Variants in FSTL5 observed in about 807,000 individuals in gnomAD.
FSTL5 encodes the protein follistatin like 5.
Under a neutral mutation model 89.1 loss-of-function variants are expected in FSTL5, and 62 were observed. The ratio of observed to expected loss-of-function variants is 0.70; its 90% confidence interval spans 0.57 to 0.86. The LOEUF is 0.86. FSTL5 is among the 40% of genes least tolerant of loss of function. The pLI, the probability that FSTL5 is intolerant of heterozygous loss-of-function variation, is 0.00. For synonymous variants in FSTL5, 383 were observed against 346.2 expected, an observed-to-expected ratio of 1.11 and a Z score of -1.18; for missense variants, 1,057 against 1,001.6, an observed-to-expected ratio of 1.06 and a Z score of -0.75.
intron 6 of FSTL5, among the ~76,000 whole-genome samples, chr4:161,718,538 C>G (rs191158317): frequency 2.6e-5 from 4 of 152,162 alleles, no homozygotes; most frequent in African/African-American, 7.2e-5. Context: ...AAGCAATTCT[C>G]CTGCCTCAGC....
At chr4:162,100,748 T>C (rs1641884443) in intron 2 of FSTL5, among the ~76,000 whole-genome samples, 1 of 152,150 alleles carries the variant, frequency 6.6e-6, no homozygotes, top group African/African-American at 2.4e-5. Context: ...AAGGGAGGGC[T>C]GTGCATGTGT....
chr4:162,107,072 A>C (rs893200651), intron 2 of FSTL5, among the ~76,000 whole-genome samples: 2 of 152,224 alleles, frequency 1.3e-5, no homozygotes, highest in Non-Finnish European at 2.9e-5. Flanking sequence ...AACCAAGCAC[A>C]AAAGTGCCAA....
chr4:161,884,107 T>C (rs1732723945), intron 4 of FSTL5, among the ~76,000 whole-genome samples: 1 of 152,106 alleles, frequency 6.6e-6, no homozygotes, highest in Non-Finnish European at 1.5e-5. Flanking sequence ...CTGCAGTCAG[T>C]GGCACGATCT....
rs960023567 is a variant in FSTL5 at position 161,556,956 on chromosome 4, G to A, written c.1016-14263C>T. Among the ~76,000 whole-genome samples the A allele has an allele frequency of 3.3e-5, 5 of 150,904 alleles. No homozygotes were observed. The East Asian group carries it at 5.8e-4, about 18-fold the overall frequency. ...CAATTTTTATATAAACTGATAAACC[G>A]AGAGTTATAAATATAGTTTCCTAAT... is the stretch of plus-strand genomic sequence containing the variant. On this transcript the variant is annotated intron_variant, in intron 8 of 15. Coordinates refer to ENST00000306100, the MANE Select transcript of FSTL5 (RefSeq NM_020116.5).
intron 6 of FSTL5, among the ~76,000 whole-genome samples, chr4:161,758,057 A>C (rs1266067129): frequency 6.6e-6 from 1 of 152,162 alleles, no homozygotes; most frequent in Non-Finnish European, 1.5e-5. Flanking sequence ...ACCATATCCA[A>C]AGAGCGTATT....
intron 6 of FSTL5, among the ~76,000 whole-genome samples, chr4:161,730,717 C>G (rs1739578998): frequency 6.6e-6 from 1 of 152,146 alleles, no homozygotes; most frequent in African/African-American, 2.4e-5. Context: ...AATGCAGGGT[C>G]TACAGACCAT....
At chr4:161,789,130 C>T (rs985995500) in intron 4 of FSTL5, among the ~76,000 whole-genome samples, 4 of 152,034 alleles carry the variant, frequency 2.6e-5, no homozygotes, top group African/African-American at 9.7e-5. Flanking sequence ...TATACACTAA[C>T]ACAAAAATAT....
At chr4:161,875,415 T>C (rs1732410503) in intron 4 of FSTL5, among the ~76,000 whole-genome samples, 1 of 151,954 alleles carries the variant, frequency 6.6e-6, no homozygotes, top group Non-Finnish European at 1.5e-5. Flanking sequence ...TGCACAGGAG[T>C]GTGACCTTTG....
intron 2 of FSTL5, among the ~76,000 whole-genome samples, chr4:162,079,017 G>T (rs970258589): frequency 6.6e-6 from 1 of 151,720 alleles, no homozygotes; most frequent in Admixed American, 6.6e-5. Context: ...AACACATAAT[G>T]GTTAGTGGAG....
At chr4:161,486,874 T>C (rs1729701196) in intron 12 of FSTL5, among the ~76,000 whole-genome samples, 1 of 152,198 alleles carries the variant, frequency 6.6e-6, no homozygotes, top group African/African-American at 2.4e-5. Flanking sequence ...ATATCCATTG[T>C]TTATCAACAA....
intron 4 of FSTL5, among the ~76,000 whole-genome samples, chr4:161,837,051 C>A (rs958506050): frequency 1.2e-4 from 19 of 152,010 alleles, no homozygotes; most frequent in African/African-American, 4.3e-4. Flanking sequence ...AAACTCAGAA[C>A]AGGTTTTTAA....
In FSTL5 at chr4:161,580,589, C is replaced by T. The variant is rs533634060; in HGVS notation, c.1015+6866G>A. Among the ~76,000 whole-genome samples, 4 of 151,924 alleles carry T rather than the reference C, an allele frequency of 2.6e-5. No individual in the cohort carries two copies. In the South Asian group the frequency reaches 8.3e-4, roughly 32 times the overall value. On this transcript the variant is annotated intron_variant, in intron 8 of 15. Coordinates refer to ENST00000306100, the MANE Select transcript of FSTL5 (RefSeq NM_020116.5). ...AAAAGGAATGGATTCTAGTGTGGACCCCTTGAACAATGTTGAATGCCCCTC... is the reference window on the plus strand; with the variant it reads ...AAAAGGAATGGATTCTAGTGTGGACTCCTTGAACAATGTTGAATGCCCCTC...
chr4:161,616,837 G>T (rs867667496), intron 7 of FSTL5, among the ~76,000 whole-genome samples: 1 of 151,212 alleles, frequency 6.6e-6, no homozygotes, highest in African/African-American at 2.4e-5. Flanking sequence ...TGCATATCCT[G>T]CACAGGTACC....
At chr4:161,924,493 G>T (rs1054910610) in intron 3 of FSTL5, among the ~76,000 whole-genome samples, 1 of 151,464 alleles carries the variant, frequency 6.6e-6, no homozygotes, top group Non-Finnish European at 1.5e-5. Flanking sequence ...GTGGTATATT[G>T]GTTGGTATAT....
intron 6 of FSTL5, among the ~76,000 whole-genome samples, chr4:161,717,812 TG>T (rs1739044288): frequency 6.6e-6 from 1 of 152,200 alleles, no homozygotes; most frequent in African/African-American, 2.4e-5. Context: ...ATTCAGTTTT[TG>T]TATAAAGGTT....
intron 3 of FSTL5, among the ~76,000 whole-genome samples, chr4:162,026,938 A>G (rs1737317954): frequency 6.6e-6 from 1 of 152,182 alleles, no homozygotes; most frequent in Non-Finnish European, 1.5e-5. Context: ...ATCACACTGA[A>G]ACCCAGACAA....
At chr4:161,551,322 C>A (rs1482148215) in intron 8 of FSTL5, among the ~76,000 whole-genome samples, 14 of 150,436 alleles carry the variant, frequency 9.3e-5, no homozygotes. Flanking sequence ...ATTTGCATTT[C>A]TCTGATGGCC....
intron 7 of FSTL5, among the ~76,000 whole-genome samples, chr4:161,628,010 T>C (rs2126652665): frequency 6.6e-6 from 1 of 152,270 alleles, no homozygotes; most frequent in African/African-American, 2.4e-5. Flanking sequence ...GACAAAATAG[T>C]ACAATTTTGG....
intron 4 of FSTL5, among the ~76,000 whole-genome samples, chr4:161,872,863 A>G: frequency 6.6e-6 from 1 of 152,182 alleles, no homozygotes; most frequent in East Asian, 1.9e-4. Context: ...ATGTACATGT[A>G]TGAATTTTGA....
Sources: gnomAD v4.1 joint callset for allele counts (sites outside exome capture counted in the v4.1 genomes callset) on GRCh38, gnomAD v4.1.1 for gene constraint, MANE v1.5 for transcripts, NCBI Gene and HGNC (gene_info 2026-07-23, HGNC 2026-07-21) for gene names.